The following MYH15 variants were observed in gnomAD, a reference collection of about 807,000 sequenced individuals.
The protein encoded by MYH15 is myosin-15.
Under a neutral mutation model 240.5 loss-of-function variants are expected in MYH15, and 227 were observed. The ratio of observed to expected loss-of-function variants is 0.94; its 90% CI spans 0.85 to 1.05. The LOEUF is 1.05. Ranked by LOEUF, MYH15 falls within the 50% of genes least tolerant of loss-of-function variation. MYH15 has a pLI of 0.00. For synonymous variants in MYH15, 785 were observed against 796.7 expected (o/e 0.99, Z 0.25); for missense variants, 2,217 against 2,247.5 (o/e 0.99, Z 0.27).
chr3:108,398,946 C>T, intron 34 of MYH15, 106 bp from the exon 35 acceptor site: 5 of 1,444,240 alleles, frequency 3.5e-6, no homozygotes, highest in Non-Finnish European at 2.9e-6. Context: ...TAAGCATGCT[C>T]CTTCTCTCTG....
At chr3:108,516,597 T>C (rs1310820401) in intron 1 of MYH15, among the ~76,000 whole-genome samples, 1 of 152,214 alleles carries the variant, frequency 6.6e-6, no homozygotes, top group Non-Finnish European at 1.5e-5. Flanking sequence ...CTAGTATTCA[T>C]GCTGCTGGGA....
intron 1 of MYH15, among the ~76,000 whole-genome samples, chr3:108,523,537 T>G (rs1171759584): frequency 6.6e-6 from 1 of 151,960 alleles, no homozygotes; most frequent in Non-Finnish European, 1.5e-5. Flanking sequence ...AAATAACATA[T>G]AATTAATTTT....
rs138490874 is a variant in MYH15 at position 108,464,180 on chromosome 3, G to A, written c.1731+458C>T. Reference sequence around the variant, plus strand: ...GAAAAAGGGGCATATACACTGGTGAGGAAATGAGGAGAGGTAGCAAGGGTC... The same window carrying A: ...GAAAAAGGGGCATATACACTGGTGAAGAAATGAGGAGAGGTAGCAAGGGTC... On this transcript the variant is annotated intron_variant, in intron 15 of 40. Coordinates refer to ENST00000693548, the MANE Select transcript of MYH15 (RefSeq NM_014981.3). Among the ~76,000 whole-genome samples the A allele has an allele frequency of 1.8e-4, 28 of 152,280 alleles. 1 individual carries two copies. The highest frequency in any genetic ancestry group is 6.7e-4 in the African/African-American group (28 of 41,554).
chr3:108,504,742 T>C (rs1259265374), intron 2 of MYH15, among the ~76,000 whole-genome samples: 5 of 152,170 alleles, frequency 3.3e-5, no homozygotes, highest in Non-Finnish European at 7.3e-5. Flanking sequence ...AAGTCAGCAA[T>C]GTAGGCAAAG....
At chr3:108,423,075 A>C (rs2082696093) in intron 27 of MYH15, among the ~76,000 whole-genome samples, 1 of 152,172 alleles carries the variant, frequency 6.6e-6, no homozygotes, top group African/African-American at 2.4e-5. Flanking sequence ...GTGAAAAGGA[A>C]GAAAAGGGGG....
intron 30 of MYH15, among the ~76,000 whole-genome samples, chr3:108,413,290 GC>G (rs1390562801): frequency 2.0e-5 from 3 of 152,168 alleles, no homozygotes; most frequent in Non-Finnish European, 4.4e-5. Flanking sequence ...TCATTCTAAA[GC>G]CCTTTTTAAG....
At chr3:108,460,402 T>C (rs1576247132) in intron 16 of MYH15, 35 bp from the exon 17 acceptor site, 2 of 1,517,940 alleles carry the variant, frequency 1.3e-6, no homozygotes, top group African/African-American at 1.4e-5. Flanking sequence ...GATGAAAACA[T>C]GTAAAAAGCT....
Position 108,492,518 on chromosome 3 carries a change from C to G in MYH15, c.853G>C (p.Gly285Arg). 2.5e-6 allele frequency: 4 copies of G among 1,612,068 alleles called. No homozygotes were observed. The highest frequency in any genetic ancestry group is 3.4e-6 in the Non-Finnish European group (4 of 1,178,594). The stretch of plus-strand genomic sequence containing the variant: ...CACTTACCATGAAGCTCTTTTTGTC[C>G]AGATAGAATTTGATAGAATATGTGG... ...NYHIFYQILS[G>R]QKELHDLLLV... The change falls in exon 9 of 41, where the codon GGA becomes CGA. Residue 285 changes from glycine (G) to arginine (R), a missense_variant. Transcript: ENST00000693548.
At chr3:108,466,339 A>G (rs540690959) in intron 14 of MYH15, among the ~76,000 whole-genome samples, 42 of 152,328 alleles carry the variant, frequency 2.8e-4, no homozygotes, top group African/African-American at 9.4e-4. Context: ...CTTTTATTAG[A>G]CTTACAAATC....
intron 21 of MYH15, among the ~76,000 whole-genome samples, chr3:108,446,138 C>T (rs2082925764): frequency 6.6e-6 from 1 of 152,128 alleles, no homozygotes; most frequent in Admixed American, 6.5e-5. Context: ...AGGCCCCAGA[C>T]CTATCCCCAT....
intron 1 of MYH15, among the ~76,000 whole-genome samples, chr3:108,506,188 C>T (rs748476531): frequency 2.6e-4 from 40 of 152,188 alleles, no homozygotes; most frequent in Middle Eastern, 3.4e-3. Flanking sequence ...TTCCCTCCCC[C>T]GAGAAAACTC....
At chr3:108,474,559 T>C (rs1425590620) in intron 12 of MYH15, among the ~76,000 whole-genome samples, 11 of 151,934 alleles carry the variant, frequency 7.2e-5, no homozygotes, top group African/African-American at 2.2e-4. Flanking sequence ...TTTTGATACA[T>C]GTATACAATG....
intron 38 of MYH15, among the ~76,000 whole-genome samples, chr3:108,385,169 A>C (rs2082372033): frequency 6.6e-6 from 1 of 152,206 alleles, no homozygotes; most frequent in Non-Finnish European, 1.5e-5. Flanking sequence ...GATGACGAAA[A>C]CAGCAATAGC....
intron 10 of MYH15, among the ~76,000 whole-genome samples, 164 bp downstream of exon 10, chr3:108,486,259 T>C (rs892306163): frequency 3.3e-5 from 5 of 152,232 alleles, no homozygotes; most frequent in Admixed American, 1.3e-4. Context: ...ATATTGACAA[T>C]GTGCAGTTTT....
intron 28 of MYH15, among the ~76,000 whole-genome samples, chr3:108,417,495 A>C (rs554005798): frequency 1.3e-5 from 2 of 152,272 alleles, no homozygotes; most frequent in South Asian, 4.2e-4. Context: ...GATAACAATA[A>C]GATTCTTAAT....
At chr3:108,519,404 G>T (rs1211263957) in intron 1 of MYH15, among the ~76,000 whole-genome samples, 1 of 152,138 alleles carries the variant, frequency 6.6e-6, no homozygotes, top group African/African-American at 2.4e-5. Flanking sequence ...AGAACTAAAA[G>T]TTCTTTAATA....
chr3:108,392,858 G>A (rs1291523789), intron 36 of MYH15, among the ~76,000 whole-genome samples: 1 of 152,140 alleles, frequency 6.6e-6, no homozygotes, highest in South Asian at 2.1e-4. Context: ...TACCTGTGTG[G>A]ATTTTCATAA....
chr3:108,515,496 A>G (rs2083554816), upstream of MYH15, among the ~76,000 whole-genome samples: 1 of 152,206 alleles, frequency 6.6e-6, no homozygotes, highest in African/African-American at 2.4e-5. Context: ...AGCGCTCTCA[A>G]TGACCTTCCA....
At chr3:108,537,770 T>A in the MYH15 span, among the ~76,000 whole-genome samples, 3 of 152,264 alleles carry the variant, frequency 2.0e-5, no homozygotes, top group East Asian at 5.8e-4. Context: ...ACTATTAATA[T>A]AGCTTACCTT....
Sources: gnomAD v4.1 joint callset for allele counts (sites outside exome capture counted in the v4.1 genomes callset) on GRCh38, gnomAD v4.1.1 for gene constraint, MANE v1.5 for transcripts, NCBI Gene and HGNC (gene_info 2026-07-23, HGNC 2026-07-21) for gene names.